TRIM5: variants seen among roughly 807,000 people sequenced by gnomAD.
TRIM5 encodes tripartite motif containing 5.
In TRIM5, 31 loss-of-function variants were observed where a neutral mutation model predicts 35.6. That is an observed-to-expected ratio of 0.87 (90% CI 0.65 to 1.18). The LOEUF (loss-of-function observed/expected upper bound fraction) is 1.18, where lower values mean the gene tolerates loss of function less well. TRIM5 is among the 50% of genes most tolerant of loss of function. The probability of loss-of-function intolerance (pLI) is 0.00; values close to 1 mark genes in which losing one functional copy is unlikely to be tolerated. For missense variants in TRIM5, 609 were observed against 591.6 expected (o/e 1.03, Z -0.31); for synonymous variants, 243 against 215.6 (o/e 1.13, Z -1.11).
At chr11:5,669,016 CATT>C (rs1342140220) in intron 4 of TRIM5, among the ~76,000 whole-genome samples, 1 of 151,504 alleles carries the variant, frequency 6.6e-6, no homozygotes, top group African/African-American at 2.4e-5. Flanking sequence ...TCTACTCAGT[CATT>C]GTCCTAAAAA....
chr11:5,632,535 A>C, the TRIM5 span: 1 of 1,613,864 alleles, frequency 6.2e-7, no homozygotes, highest in African/African-American at 1.3e-5. Flanking sequence ...TTGAACATCT[A>C]CAGGCTAATC....
the TRIM5 span, among the ~76,000 whole-genome samples, chr11:5,657,706 A>ATATTTAT: frequency 7.6e-6 from 1 of 130,930 alleles, no homozygotes; most frequent in African/African-American, 3.0e-5. Flanking sequence ...TAATATATAT[A>ATATTTAT]AATATATATA....
At chr11:5,603,353 C>G in the TRIM5 span, 1 of 1,614,044 alleles carries the variant, frequency 6.2e-7, no homozygotes, top group Admixed American at 1.7e-5. Context: ...GAAGAGGTGA[C>G]CTGCCCTATC....
At chr11:5,603,266 T>C in the TRIM5 span, 1 of 1,613,758 alleles carries the variant, frequency 6.2e-7, no homozygotes, top group African/African-American at 1.3e-5. Flanking sequence ...GCAGGAAACA[T>C]CTTAGAAATC....
At position 5,669,268 on chromosome 11, in the gene TRIM5, CAG is replaced by C. The variant is rs1187100049; in HGVS notation, c.745-1559_745-1558del. 5.7e-4 allele frequency among the ~76,000 whole-genome samples: 86 copies of C among 151,560 alleles called. 1 individual carries two copies. The highest frequency in any genetic ancestry group is 2.1e-3 in the African/African-American group (85 of 41,294). ...CTAATTTTTGTATTTTTAGTAGAGA[CAG>C]GGTTTCTCCATGTTGGTCGGGCTGG... On this transcript the variant is annotated intron_variant, in intron 4 of 7. Coordinates refer to ENST00000380034, the MANE Select transcript of TRIM5 (RefSeq NM_033034.3).
chr11:5,612,496 T>C, the TRIM5 span: 1 of 152,208 alleles, frequency 6.6e-6, no homozygotes, highest in Non-Finnish European at 1.5e-5. Context: ...TACATATTTT[T>C]CTCTCAGAAT....
At chr11:5,640,176 G>C in the TRIM5 span, among the ~76,000 whole-genome samples, 1 of 152,142 alleles carries the variant, frequency 6.6e-6, no homozygotes, top group South Asian at 2.1e-4. Context: ...AGTAGTGAGA[G>C]CAAACATCCT....
chr11:5,643,264 C>G, the TRIM5 span: 13 of 1,613,992 alleles, frequency 8.1e-6, no homozygotes, highest in Non-Finnish European at 1.1e-5. Context: ...GTCTTGGGAT[C>G]CCAATATTTC....
the TRIM5 span, chr11:5,646,001 A>ATATATTTATAAATTATATATAATT: frequency 6.7e-6 from 1 of 149,158 alleles, no homozygotes; most frequent in Non-Finnish European, 1.4e-5. Flanking sequence ...ATTTATAATT[A>ATATATTTATAAATTATATATAATT]TATATAATAC....
the TRIM5 span, among the ~76,000 whole-genome samples, chr11:5,630,529 A>G: frequency 6.6e-6 from 1 of 152,334 alleles, no homozygotes; most frequent in Non-Finnish European, 1.5e-5. Context: ...TCAGCCACAC[A>G]TTTAAAAACT....
chr11:5,593,996 T>C, the TRIM5 span, among the ~76,000 whole-genome samples: 1 of 152,246 alleles, frequency 6.6e-6, no homozygotes, highest in Non-Finnish European at 1.5e-5. Context: ...TGATGAACAG[T>C]TGGGTTGATT....
chr11:5,614,225 C>T, the TRIM5 span, among the ~76,000 whole-genome samples: 6 of 152,180 alleles, frequency 3.9e-5, no homozygotes, highest in Middle Eastern at 3.2e-3. Context: ...GTAAAACAAT[C>T]GGTCATGAGT....
chr11:5,648,471 A>G, the TRIM5 span, among the ~76,000 whole-genome samples: 1 of 152,090 alleles, frequency 6.6e-6, no homozygotes, highest in South Asian at 2.1e-4. Flanking sequence ...GCGCCACTGC[A>G]CTCCAGCCTG....
the TRIM5 span, chr11:5,610,892 T>A: frequency 1.9e-6 from 3 of 1,614,222 alleles, no homozygotes; most frequent in East Asian, 2.2e-5. Flanking sequence ...TGGAAAAGCA[T>A]TATGACTGTA....
At chr11:5,639,409 G>A in the TRIM5 span, among the ~76,000 whole-genome samples, 2 of 151,940 alleles carry the variant, frequency 1.3e-5, no homozygotes, top group Non-Finnish European at 2.9e-5. Flanking sequence ...GGCCAGGCGC[G>A]GTGGCTCACA....
chr11:5,623,638 C>T, the TRIM5 span, among the ~76,000 whole-genome samples: 1 of 151,646 alleles, frequency 6.6e-6, no homozygotes, highest in African/African-American at 2.4e-5. Flanking sequence ...CCTCAACCTC[C>T]CAAAGTTCTG....
the TRIM5 span, chr11:5,596,798 T>C: frequency 1.3e-6 from 2 of 1,590,544 alleles, no homozygotes; most frequent in Non-Finnish European, 1.7e-6. Flanking sequence ...GAGCGCGCTC[T>C]GTTCCTTAAG....
chr11:5,603,533 T>C, the TRIM5 span: 9 of 1,614,024 alleles, frequency 5.6e-6, no homozygotes, highest in Admixed American at 1.7e-5. Flanking sequence ...AATCGGCATC[T>C]GGCCAACATA....
chr11:5,642,732 C>G, the TRIM5 span: 17 of 1,565,810 alleles, frequency 1.1e-5, no homozygotes, highest in Middle Eastern at 1.7e-4. Flanking sequence ...ATTCCCTTCC[C>G]CTGTCCCTAC....
Sources: gnomAD v4.1 joint callset for allele counts (sites outside exome capture counted in the v4.1 genomes callset) on GRCh38, gnomAD v4.1.1 for gene constraint, MANE v1.5 for transcripts, NCBI Gene and HGNC (gene_info 2026-07-23, HGNC 2026-07-21) for gene names.